Variants in ANKRD30A observed in about 807,000 individuals in gnomAD.
ANKRD30A encodes the protein ankyrin repeat domain 30A, also known as ankyrin repeat domain-containing protein 30A.
A neutral mutation model predicts 166.3 loss-of-function variants in ANKRD30A; 170 were observed. That is an observed-to-expected ratio of 1.02 (90% CI 0.90 to 1.16). The LOEUF is 1.16. Ranked by LOEUF, ANKRD30A falls within the 50% of genes most tolerant of loss-of-function variation. The pLI is 0.00. For missense variants in ANKRD30A, 1,630 were observed against 1,518.0 expected, an observed-to-expected ratio of 1.07 and a Z score of -1.23; for synonymous variants, 564 against 508.9, an observed-to-expected ratio of 1.11 and a Z score of -1.46.
the ANKRD30A span, among the ~76,000 whole-genome samples, chr10:37,253,143 A>G: frequency 1.3e-5 from 2 of 152,192 alleles, no homozygotes; most frequent in Non-Finnish European, 2.9e-5. Context: ...ACACGTTTCC[A>G]CCTTTGAAAT....
downstream of ANKRD30A, chr10:37,232,697 TAGAGAG>T (rs5784546): frequency 1.2e-3 from 91 of 78,372 alleles, no homozygotes; most frequent in African/African-American, 3.8e-3. Context: ...TATATATAAA[TAGAGAG>T]AGAGAGAGAG....
At chr10:37,163,768 A>G (rs2132601476) in intron 17 of ANKRD30A, among the ~76,000 whole-genome samples, 1 of 84,392 alleles carries the variant, frequency 1.2e-5, no homozygotes, top group Middle Eastern at 5.0e-3. Flanking sequence ...TGACAGTACC[A>G]TAGTTAATTG....
At position 37,231,159 on chromosome 10, in the gene ANKRD30A, A is replaced by T. The variant is rs548099409; in HGVS notation, c.4186-302A>T. Among the ~76,000 whole-genome samples, 3 of 152,178 alleles carry T rather than the reference A, an allele frequency of 2.0e-5. No individual in the cohort carries two copies. In the East Asian group the frequency reaches 5.8e-4, roughly 29 times the overall value. On this transcript the variant is annotated intron_variant, in intron 34 of 35. Coordinates refer to ENST00000361713, the MANE Select transcript of ANKRD30A (RefSeq NM_052997.3). ...TTTTTAATTTTAGTTTTTTAATTGC[A>T]CATATTCAAGAAATACAACATGATG...
intron 31 of ANKRD30A, among the ~76,000 whole-genome samples, chr10:37,202,827 A>C (rs1384561291): frequency 2.0e-5 from 3 of 152,208 alleles, no homozygotes; most frequent in Non-Finnish European, 4.4e-5. Flanking sequence ...TCCCACAGAA[A>C]TACAAACTAC....
At chr10:37,254,525 G>C in the ANKRD30A span, among the ~76,000 whole-genome samples, 2 of 149,052 alleles carry the variant, frequency 1.3e-5, no homozygotes, top group Non-Finnish European at 3.0e-5. Flanking sequence ...TTACAAAAAA[G>C]CCTATTTAAA....
chr10:37,126,865 TG>T (rs1836053243), intron 1 of ANKRD30A, among the ~76,000 whole-genome samples: 1 of 151,580 alleles, frequency 6.6e-6, no homozygotes, highest in Non-Finnish European at 1.5e-5. Flanking sequence ...CTGGCCAATA[TG>T]GTGAAACGCC....
chr10:37,200,660 C>T (rs1363571612), intron 30 of ANKRD30A, among the ~76,000 whole-genome samples: 2 of 152,024 alleles, frequency 1.3e-5, no homozygotes, highest in Non-Finnish European at 2.9e-5. Flanking sequence ...TCTATTCAAG[C>T]ACTTTTTTAT....
intron 1 of ANKRD30A, among the ~76,000 whole-genome samples, chr10:37,127,078 A>AAAAAAAAAAAAAAAAAAAAC (rs1836078843): frequency 7.2e-6 from 1 of 139,800 alleles, no homozygotes; most frequent in African/African-American, 2.6e-5. Flanking sequence ...AAAAAAAAAA[A>AAAAAAAAAAAAAAAAAAAAC]AAAAAAATCA....
At chr10:37,148,359 T>G (rs372229858) in intron 9 of ANKRD30A, among the ~76,000 whole-genome samples, 2 of 152,058 alleles carry the variant, frequency 1.3e-5, no homozygotes, top group East Asian at 3.9e-4. Context: ...AGAAACAAAT[T>G]ATAAATTTAA....
intron 31 of ANKRD30A, among the ~76,000 whole-genome samples, chr10:37,212,268 A>G (rs2132722762): frequency 6.6e-6 from 1 of 152,218 alleles, no homozygotes; most frequent in South Asian, 2.1e-4. Flanking sequence ...TCCCATTCAC[A>G]ATTGCTTCAA....
intron 21 of ANKRD30A, among the ~76,000 whole-genome samples, chr10:37,172,160 G>C (rs1201827): frequency 1.0e-5 from 1 of 95,662 alleles, no homozygotes; most frequent in Non-Finnish European, 2.3e-5. Flanking sequence ...CCTGACTAAC[G>C]CGGTGAAACC....
intron 25 of ANKRD30A, among the ~76,000 whole-genome samples, chr10:37,192,543 C>A (rs1436036625): frequency 6.6e-6 from 1 of 152,044 alleles, no homozygotes; most frequent in South Asian, 2.1e-4. Flanking sequence ...ATGATAAGTA[C>A]ATTTGTACCT....
the ANKRD30A span, among the ~76,000 whole-genome samples, chr10:37,262,300 T>G: frequency 6.6e-6 from 1 of 152,192 alleles, no homozygotes; most frequent in African/African-American, 2.4e-5. Context: ...CTTCTGGAAG[T>G]GAATCTGCCT....
intron 27 of ANKRD30A, among the ~76,000 whole-genome samples, chr10:37,194,045 A>C (rs1421407986): frequency 6.6e-6 from 1 of 151,982 alleles, no homozygotes; most frequent in Non-Finnish European, 1.5e-5. Flanking sequence ...ACATAACAAA[A>C]AGTAGCCGGT....
chr10:37,241,305 A>G, the ANKRD30A span: 1 of 150,958 alleles, frequency 6.6e-6, no homozygotes, highest in Non-Finnish European at 1.5e-5. Flanking sequence ...ATTATATAAT[A>G]TAAAAAATTG....
intron 30 of ANKRD30A, 123 bp from the exon 31 acceptor site, chr10:37,201,112 T>C (rs1226754344): frequency 1.5e-6 from 1 of 686,302 alleles, no homozygotes; most frequent in Non-Finnish European, 2.2e-6. Context: ...GTGTCTGCTC[T>C]TAAGTTGAAT....
In ANKRD30A at chr10:37,162,485, G is replaced by A. The variant is rs527864952; in HGVS notation, c.1901-164G>A. ...TTTATATTTTCTTCAGTGTATTCTTGTCGTGTGTGTGTCCTAAACAAACCA... is the reference window on the plus strand; with the variant it reads ...TTTATATTTTCTTCAGTGTATTCTTATCGTGTGTGTGTCCTAAACAAACCA... On this transcript the variant is annotated intron_variant, in intron 15 of 35. Coordinates refer to ENST00000361713, the MANE Select transcript of ANKRD30A (RefSeq NM_052997.3). Among the ~76,000 whole-genome samples the A allele has an allele frequency of 3.3e-5, 5 of 152,142 alleles. No individual in the cohort carries two copies. The South Asian group carries it at 1.0e-3, about 32-fold the overall frequency.
chr10:37,162,719 A>G lies in ANKRD30A; in HGVS notation c.1929+42A>G, dbSNP rs201642824. ...TTTCATTTTGAATGACTTATTATCT[A>G]TGTATTTTGTGAAGTATACATTCTT... On this transcript the variant is annotated intron_variant, in intron 16 of 35. Coordinates refer to ENST00000361713, the MANE Select transcript of ANKRD30A (RefSeq NM_052997.3). 21 of 1,613,070 alleles carry G rather than the reference A, an allele frequency of 1.3e-5. No individual in the cohort carries two copies. In the Admixed American group the frequency reaches 1.8e-4, roughly 14 times the overall value.
intron 31 of ANKRD30A, among the ~76,000 whole-genome samples, chr10:37,206,204 G>T (rs1026292275): frequency 6.6e-6 from 1 of 152,072 alleles, no homozygotes; most frequent in Non-Finnish European, 1.5e-5. Flanking sequence ...TGAAGTGGGA[G>T]GGGGGAAGAA....
Sources: allele counts gnomAD v4.1 joint callset (sites outside exome capture counted in the v4.1 genomes callset), GRCh38; gene constraint gnomAD v4.1.1; transcripts MANE v1.5; gene names NCBI Gene and HGNC (gene_info 2026-07-23, HGNC 2026-07-21).